TNFRSF21: variants seen among roughly 807,000 people sequenced by gnomAD.
TNFRSF21 encodes the protein TNF receptor superfamily member 21.
In TNFRSF21, 19 loss-of-function variants were observed where a neutral mutation model predicts 45.6. That is an observed-to-expected ratio of 0.42 (90% CI 0.29 to 0.61). The LOEUF is 0.61. Ranked by LOEUF, TNFRSF21 falls within the 20% of genes least tolerant of loss-of-function variation. The pLI is 0.23. For missense variants in TNFRSF21, 737 were observed against 851.5 expected, an observed-to-expected ratio of 0.87 and a Z score of 1.67; for synonymous variants, 314 against 335.5, an observed-to-expected ratio of 0.94 and a Z score of 0.70.
At chr6:47,300,270 C>T (rs1762846346) in intron 1 of TNFRSF21, among the ~76,000 whole-genome samples, 1 of 152,212 alleles carries the variant, frequency 6.6e-6, no homozygotes, top group South Asian at 2.1e-4. Context: ...ATCAGACCAC[C>T]ATAGACTGCT....
At position 47,289,823 on chromosome 6, in the gene TNFRSF21, G is replaced by A. The variant is rs571400776; in HGVS notation, c.97-3228C>T. ...AGCTTGGTCAACATGGTGAAATCCC[G>A]TCTCTACTAAAAATACAAAAATTAG... is the stretch of plus-strand genomic sequence containing the variant. On this transcript the variant is annotated intron_variant, in intron 1 of 5. Transcript: ENST00000296861. Among the ~76,000 whole-genome samples, 32 of 152,098 alleles carry A rather than the reference G, an allele frequency of 2.1e-4. No homozygotes were observed. The East Asian group carries it at 2.3e-3, about 11-fold the overall frequency.
At chr6:47,287,926 C>T (rs1008929378) in intron 1 of TNFRSF21, among the ~76,000 whole-genome samples, 2 of 152,122 alleles carry the variant, frequency 1.3e-5, no homozygotes, top group African/African-American at 2.4e-5. Context: ...TGAGAAGCAA[C>T]TGGAATTCTC....
intron 4 of TNFRSF21, 41 bp downstream of exon 4, chr6:47,253,215 A>G: frequency 6.3e-7 from 1 of 1,597,634 alleles, no homozygotes; most frequent in Non-Finnish European, 8.6e-7. Context: ...GCATAGGGGC[A>G]ATAGGTCGGT....
At chr6:47,242,061 T>C (rs1441113238) in intron 4 of TNFRSF21, among the ~76,000 whole-genome samples, 1 of 152,034 alleles carries the variant, frequency 6.6e-6, no homozygotes. Flanking sequence ...GATGTTCTGC[T>C]CAGCTTCCTT....
At chr6:47,245,427 A>AGT (rs375623340) in intron 4 of TNFRSF21, among the ~76,000 whole-genome samples, 10,431 of 142,132 alleles carry the variant, frequency 0.073, 350 homozygotes, top group Middle Eastern at 0.097. Context: ...ACTAAGAAGA[A>AGT]GTGTGTGTGT....
intron 3 of TNFRSF21, among the ~76,000 whole-genome samples, chr6:47,275,565 G>C (rs979538428): frequency 1.3e-5 from 2 of 152,064 alleles, no homozygotes; most frequent in Non-Finnish European, 2.9e-5. Context: ...ATGATGAGTT[G>C]ATAGGTGCAG....
chr6:47,232,628 C>T lies in TNFRSF21; in HGVS notation c.*137G>A. The T allele has an allele frequency of 4.4e-6, 1 of 229,342 alleles. No homozygotes were observed. The highest frequency in any genetic ancestry group is 8.5e-6 in the Non-Finnish European group (1 of 117,736). The allele number at this position is 229,342 out of a possible 1,614,324, so 14.2% of individuals were successfully genotyped here. On this transcript the variant is annotated 3_prime_UTR_variant, in exon 6 of 6. Coordinates refer to ENST00000296861, the MANE Select transcript of TNFRSF21 (RefSeq NM_014452.5). ...CACTGGCCATATTCTCTGTTAAACACACACACACACACACACACACACACA... is the reference window on the plus strand; with the variant it reads ...CACTGGCCATATTCTCTGTTAAACATACACACACACACACACACACACACA...
rs1762642756 is a variant in TNFRSF21 at position 47,286,033 on chromosome 6, G to C, written c.659C>G (p.Ser220Cys). ...VCGTLPSFSS[S>C]TSPSPGTAIF... is the part of the protein sequence containing the mutation. ...GGCTGTGCCAGGGGAAGGTGAGGTGGAGCTGGAGAAGGACGGGAGTGTGCC... is the reference window on the plus strand; with the variant it reads ...GGCTGTGCCAGGGGAAGGTGAGGTGCAGCTGGAGAAGGACGGGAGTGTGCC... The change falls in exon 2 of 6, where the codon TCC becomes TGC. Residue 220 changes from serine to cysteine, a missense_variant. Physicochemically the swap from Ser to Cys is moderately radical, Grantham distance 112 (BLOSUM62 -1). Transcript: ENST00000296861. 6.2e-7 allele frequency: 1 copy of C among 1,614,096 alleles called. No individual in the cohort carries two copies. Among genetic ancestry groups the C allele is most frequent in the Admixed American group, 1.7e-5 (1 of 60,010 alleles).
At chr6:47,279,891 A>C (rs183053821) in intron 3 of TNFRSF21, among the ~76,000 whole-genome samples, 1 of 152,352 alleles carries the variant, frequency 6.6e-6, no homozygotes, top group African/African-American at 2.4e-5. Context: ...CTCTGACTTC[A>C]GAAAGGAAGA....
chr6:47,280,712 G>A (rs1007129493), intron 3 of TNFRSF21, among the ~76,000 whole-genome samples: 4 of 152,112 alleles, frequency 2.6e-5, no homozygotes, highest in African/African-American at 9.7e-5. Context: ...AGTTTATAAG[G>A]TTACCATGGT....
Position 47,262,896 on chromosome 6 carries a change from G to A in TNFRSF21, c.1244-9375C>T, listed in dbSNP as rs953994891. Among the ~76,000 whole-genome samples the A allele has an allele frequency of 5.3e-5, 8 of 152,272 alleles. No individual in the cohort carries two copies. The East Asian group carries it at 5.8e-4, about 11-fold the overall frequency. On this transcript the variant is annotated intron_variant, in intron 3 of 5. Transcript: ENST00000296861. Reference sequence around the variant, plus strand: ...TACTATGCATTCAATAAAAAGTCACGGGAGACCTTGGGGAGAGAAATGACA... The same window carrying A: ...TACTATGCATTCAATAAAAAGTCACAGGAGACCTTGGGGAGAGAAATGACA...
chr6:47,263,892 TAA>T (rs1246551169), intron 3 of TNFRSF21, among the ~76,000 whole-genome samples: 1 of 152,226 alleles, frequency 6.6e-6, no homozygotes, highest in African/African-American at 2.4e-5. Context: ...GAAATATAGT[TAA>T]GAGGTTTTTT....
At chr6:47,279,037 A>G (rs1245560729) in intron 3 of TNFRSF21, among the ~76,000 whole-genome samples, 1 of 152,136 alleles carries the variant, frequency 6.6e-6, no homozygotes, top group East Asian at 1.9e-4. Flanking sequence ...TGAAGGAAAA[A>G]GGAAATATGA....
In TNFRSF21 at chr6:47,255,854, T is replaced by TA. The variant is rs199620719; in HGVS notation, c.1244-2334dup. 3.0e-3 allele frequency among the ~76,000 whole-genome samples: 451 copies of TA among 148,276 alleles called. 3 individuals are homozygous for TA. The highest frequency in any genetic ancestry group is 9.8e-3 in the African/African-American group (397 of 40,494). On this transcript the variant is annotated intron_variant, in intron 3 of 5. Coordinates refer to ENST00000296861, the MANE Select transcript of TNFRSF21 (RefSeq NM_014452.5). ...ATCTTAAAAAATATTTACTACTCAATAAAAAAAAATAGGGTCACATTCCCA... is the reference window on the plus strand; with the variant it reads ...ATCTTAAAAAATATTTACTACTCAATAAAAAAAAAATAGGGTCACATTCCCA...
At chr6:47,272,324 C>T (rs1039431899) in intron 3 of TNFRSF21, among the ~76,000 whole-genome samples, 1 of 152,138 alleles carries the variant, frequency 6.6e-6, no homozygotes, top group Non-Finnish European at 1.5e-5. Flanking sequence ...TCTCTCAGAC[C>T]ACAGTGCAAT....
intron 3 of TNFRSF21, among the ~76,000 whole-genome samples, chr6:47,271,727 AT>A (rs200665077): frequency 0.017 from 2,563 of 152,264 alleles, 63 homozygotes; most frequent in African/African-American, 0.058. Flanking sequence ...GGCAAATTGG[AT>A]AAAGAGTCAA....
At chr6:47,248,094 T>G (rs1320196790) in intron 4 of TNFRSF21, among the ~76,000 whole-genome samples, 1 of 152,186 alleles carries the variant, frequency 6.6e-6, no homozygotes, top group Non-Finnish European at 1.5e-5. Context: ...TAAATTGTTG[T>G]GGTTGTTTTT....
In TNFRSF21 at chr6:47,269,593, C is replaced by G. The variant is rs866050273; in HGVS notation, c.1243+14345G>C. Among the ~76,000 whole-genome samples, 4 of 152,194 alleles carry G rather than the reference C, an allele frequency of 2.6e-5. No homozygotes were observed. In the South Asian group the frequency reaches 8.3e-4, roughly 32 times the overall value. ...TTTCCCTGCTTTAGCCAAATTCCAA[C>G]TAATTCAGAATTGGGCAGACTGACC... On this transcript the variant is annotated intron_variant, in intron 3 of 5. Transcript: ENST00000296861.
chr6:47,265,005 A>T (rs1290596450), intron 3 of TNFRSF21, among the ~76,000 whole-genome samples: 3 of 152,208 alleles, frequency 2.0e-5, no homozygotes, highest in African/African-American at 7.2e-5. Context: ...TGGAATTTTA[A>T]GTCAAAAAGT....
Sources: allele counts gnomAD v4.1 joint callset (sites outside exome capture counted in the v4.1 genomes callset), GRCh38; gene constraint gnomAD v4.1.1; transcripts MANE v1.5; gene names NCBI Gene and HGNC (gene_info 2026-07-23, HGNC 2026-07-21).